The following FBXL17 variants were observed in gnomAD, a reference collection of about 807,000 sequenced individuals.
FBXL17 encodes the protein F-box and leucine rich repeat protein 17, also known as F-box/LRR-repeat protein 17.
In FBXL17, 22 loss-of-function variants were observed where a neutral mutation model predicts 66.2. The observed-to-expected ratio is 0.33, with a 90% CI of 0.24 to 0.47. The LOEUF (loss-of-function observed/expected upper bound fraction) is 0.47. Among genes scored for constraint, FBXL17 ranks in the 20% least tolerant of loss-of-function variants. FBXL17 has a pLI of 1.00. For synonymous variants in FBXL17, 474 were observed against 400.5 expected (o/e 1.18, Z -2.19); for missense variants, 878 against 948.2 (o/e 0.93, Z 0.97).
chr5:108,211,419 A>G (rs1209881010), intron 5 of FBXL17, among the ~76,000 whole-genome samples: 1 of 152,078 alleles, frequency 6.6e-6, no homozygotes, highest in Non-Finnish European at 1.5e-5. Context: ...TCTTCATAGT[A>G]TCGATGTTCT....
At chr5:107,973,293 T>A (rs1752445452) in intron 7 of FBXL17, among the ~76,000 whole-genome samples, 1 of 152,174 alleles carries the variant, frequency 6.6e-6, no homozygotes, top group Admixed American at 6.5e-5. Flanking sequence ...TAGGATGGCT[T>A]TGAATGTGAC....
At chr5:108,363,441 A>T (rs933241317) in intron 3 of FBXL17, among the ~76,000 whole-genome samples, 1 of 151,896 alleles carries the variant, frequency 6.6e-6, no homozygotes, top group African/African-American at 2.4e-5. Flanking sequence ...ACCTAAGGGG[A>T]AAAAAATTTG....
chr5:108,335,233 C>G (rs976326191), intron 4 of FBXL17, among the ~76,000 whole-genome samples: 11 of 147,502 alleles, frequency 7.5e-5, no homozygotes, highest in Admixed American at 4.7e-4. Context: ...TCCCCCACCC[C>G]CCCCCAACAC....
chr5:108,366,337 C>A (rs1437558063), intron 2 of FBXL17, among the ~76,000 whole-genome samples: 2 of 151,970 alleles, frequency 1.3e-5, no homozygotes, highest in African/African-American at 4.8e-5. Context: ...TATTCAAGTC[C>A]TTTCAGTAAA....
intron 6 of FBXL17, among the ~76,000 whole-genome samples, chr5:108,098,403 C>A (rs1036936450): frequency 2.6e-5 from 4 of 152,004 alleles, no homozygotes; most frequent in Admixed American, 2.0e-4. Context: ...TTGATTTCAC[C>A]TCCTTTCAAC....
chr5:108,126,631 G>GTCTCTGTCTCTCTCTCTCTC, intron 6 of FBXL17, among the ~76,000 whole-genome samples: 1 of 112,576 alleles, frequency 8.9e-6, no homozygotes, highest in Non-Finnish European at 1.9e-5. Flanking sequence ...CTGTCTCTCT[G>GTCTCTGTCTCTCTCTCTCTC]TCTCTCTCTC....
At chr5:108,212,756 A>AG (rs1754432358) in intron 5 of FBXL17, among the ~76,000 whole-genome samples, 1 of 152,034 alleles carries the variant, frequency 6.6e-6, no homozygotes, top group African/African-American at 2.4e-5. Context: ...GTCAGCCCCT[A>AG]GTGGGAGGTG....
At chr5:107,870,527 T>G (rs918398713) in intron 8 of FBXL17, among the ~76,000 whole-genome samples, 2 of 151,976 alleles carry the variant, frequency 1.3e-5, no homozygotes, top group Non-Finnish European at 2.9e-5. Context: ...ATGGACCTAG[T>G]GCTTCCTCAG....
chr5:108,081,747 G>A (rs778873976), intron 6 of FBXL17, among the ~76,000 whole-genome samples: 8 of 151,914 alleles, frequency 5.3e-5, no homozygotes, highest in Non-Finnish European at 8.8e-5. Context: ...TAAAAAATAA[G>A]AGCCAGTAAC....
In FBXL17 at chr5:108,266,535, C is replaced by T. The variant is rs567989595; in HGVS notation, c.1507-42307G>A. Among the ~76,000 whole-genome samples the T allele has an allele frequency of 2.6e-5, 4 of 152,180 alleles. No individual in the cohort carries two copies. In the South Asian group the frequency reaches 8.3e-4, roughly 32 times the overall value. ...GCTTATGTTGAAGTAACTCTTTCTT[C>T]AGTTAATAACATCCCCAATGTGCAA... On this transcript the variant is annotated intron_variant, in intron 4 of 8. Transcript: ENST00000542267.
intron 7 of FBXL17, among the ~76,000 whole-genome samples, chr5:107,892,115 C>G (rs1749214486): frequency 6.6e-6 from 1 of 151,982 alleles, no homozygotes; most frequent in African/African-American, 2.4e-5. Context: ...TTATTGAATA[C>G]TATACTGAAA....
intron 4 of FBXL17, among the ~76,000 whole-genome samples, chr5:108,234,579 A>G (rs1755513435): frequency 6.6e-6 from 1 of 152,190 alleles, no homozygotes; most frequent in African/African-American, 2.4e-5. Context: ...CCTCCAGAGA[A>G]GTAGAGTGGC....
intron 7 of FBXL17, among the ~76,000 whole-genome samples, chr5:107,898,555 G>A (rs1434476473): frequency 6.6e-6 from 1 of 151,522 alleles, no homozygotes; most frequent in African/African-American, 2.4e-5. Flanking sequence ...ATGTGCCATG[G>A]TGGTTTGCTG....
chr5:108,323,523 T>A (rs1266964387), intron 4 of FBXL17, among the ~76,000 whole-genome samples: 1 of 151,988 alleles, frequency 6.6e-6, no homozygotes, highest in Non-Finnish European at 1.5e-5. Context: ...TCTATACTAC[T>A]CATTGCAATA....
chr5:108,172,306 A>G (rs1003561034), intron 6 of FBXL17, among the ~76,000 whole-genome samples: 1 of 152,314 alleles, frequency 6.6e-6, no homozygotes, highest in African/African-American at 2.4e-5. Flanking sequence ...GAAGGCCCAC[A>G]ACGAAATTTC....
intron 3 of FBXL17, among the ~76,000 whole-genome samples, chr5:108,363,493 T>C (rs1748474078): frequency 6.6e-6 from 1 of 152,000 alleles, no homozygotes; most frequent in Non-Finnish European, 1.5e-5. Context: ...GTGTAACTAA[T>C]TCATAATTCA....
chr5:108,141,268 C>G (rs1447519141), intron 6 of FBXL17, among the ~76,000 whole-genome samples: 2 of 152,124 alleles, frequency 1.3e-5, no homozygotes, highest in Non-Finnish European at 2.9e-5. Context: ...GTGTTTTTCC[C>G]TTCTTAGTGA....
At chr5:108,110,856 C>T (rs1223678352) in intron 6 of FBXL17, among the ~76,000 whole-genome samples, 1 of 152,096 alleles carries the variant, frequency 6.6e-6, no homozygotes, top group Non-Finnish European at 1.5e-5. Context: ...ATTAGGATGG[C>T]ATTTGATTTT....
chr5:108,005,416 G>A (rs560962557), intron 7 of FBXL17, among the ~76,000 whole-genome samples: 1 of 152,190 alleles, frequency 6.6e-6, no homozygotes, highest in East Asian at 1.9e-4. Flanking sequence ...AAAGCATGCT[G>A]GGCAGAGGAA....
Sources: allele counts gnomAD v4.1 joint callset (sites outside exome capture counted in the v4.1 genomes callset), GRCh38; gene constraint gnomAD v4.1.1; transcripts MANE v1.5; gene names NCBI Gene and HGNC (gene_info 2026-07-23, HGNC 2026-07-21).